Variants in CUL1 observed in about 807,000 individuals in gnomAD.
The protein encoded by CUL1 is cullin 1.
Under a neutral mutation model 118.0 loss-of-function variants are expected in CUL1, and 24 were observed. That is an observed-to-expected ratio of 0.20 (90% CI 0.15 to 0.29). The LOEUF (loss-of-function observed/expected upper bound fraction) is 0.29. Ranked by LOEUF, CUL1 falls within the 10% of genes least tolerant of loss-of-function variation. CUL1 has a pLI of 1.00. For synonymous variants in CUL1, 332 were observed against 340.4 expected (o/e 0.98, Z 0.27); for missense variants, 361 against 933.8 (o/e 0.39, Z 7.99).
At chr7:148,711,232 A>C (rs1314966122) in intron 1 of CUL1, among the ~76,000 whole-genome samples, 1 of 152,234 alleles carries the variant, frequency 6.6e-6, no homozygotes, top group East Asian at 1.9e-4. Context: ...AATTTCGGAA[A>C]ATACTAAAAA....
chr7:148,767,353 G>C (rs772092451), intron 8 of CUL1, among the ~76,000 whole-genome samples: 1 of 150,900 alleles, frequency 6.6e-6, no homozygotes, highest in African/African-American at 2.4e-5. Flanking sequence ...TTAGTCTTAA[G>C]TTAGTGGTTT....
chr7:148,752,009 G>A (rs530143008), intron 2 of CUL1, among the ~76,000 whole-genome samples: 1 of 152,200 alleles, frequency 6.6e-6, no homozygotes, highest in South Asian at 2.1e-4. Context: ...AGCTACTCGG[G>A]AGGCTGAGGC....
At chr7:148,776,135 C>T (rs973878833) in intron 9 of CUL1, among the ~76,000 whole-genome samples, 1 of 150,396 alleles carries the variant, frequency 6.6e-6, no homozygotes, top group Non-Finnish European at 1.5e-5. Flanking sequence ...ACAACTACAC[C>T]TCTACCGAGT....
At chr7:148,790,545 C>A in intron 16 of CUL1, 104 bp downstream of exon 16, 1 of 1,013,162 alleles carries the variant, frequency 9.9e-7, no homozygotes, top group Non-Finnish European at 1.4e-6. Flanking sequence ...TAGAATTCAG[C>A]TTCTGGTGAA....
At position 148,704,702 on chromosome 7, in the gene CUL1, C is replaced by G. The variant is rs551597661; in HGVS notation, c.-162+5673C>G. Among the ~76,000 whole-genome samples, 5 of 152,118 alleles carry G rather than the reference C, an allele frequency of 3.3e-5. No individual in the cohort carries two copies. In the South Asian group the frequency reaches 1.0e-3, roughly 32 times the overall value. ...ACAACATATGTAAGTAATAGCTAAA[C>G]TTTATTTTGGTGTGTGAGTATATGC... On this transcript the variant is annotated intron_variant, in intron 1 of 21. Coordinates refer to ENST00000325222, the MANE Select transcript of CUL1 (RefSeq NM_003592.3).
chr7:148,785,523 ATTT>A (rs1403951748), intron 11 of CUL1, among the ~76,000 whole-genome samples: 2 of 132,920 alleles, frequency 1.5e-5, no homozygotes. Flanking sequence ...CACCCGGCTA[ATTT>A]TTTTTTTTTT....
At chr7:148,725,207 A>ACGCGCG (rs1263565835) in intron 1 of CUL1, among the ~76,000 whole-genome samples, 5 of 107,726 alleles carry the variant, frequency 4.6e-5, no homozygotes, top group African/African-American at 1.3e-4. Context: ...GTACACACAC[A>ACGCGCG]CACACGCGCG....
chr7:148,769,354 A>G (rs1361994027), intron 9 of CUL1, among the ~76,000 whole-genome samples: 3 of 148,370 alleles, frequency 2.0e-5, no homozygotes, highest in Non-Finnish European at 4.5e-5. Flanking sequence ...TTCAGTTTTT[A>G]TGACTTTATT....
intron 9 of CUL1, among the ~76,000 whole-genome samples, chr7:148,773,308 A>G (rs538628218): frequency 6.6e-6 from 1 of 151,962 alleles, no homozygotes; most frequent in Non-Finnish European, 1.5e-5. Flanking sequence ...ACTCTGGCTA[A>G]TGTCTCTACT....
At chr7:148,739,327 A>G (rs1799064069) in intron 2 of CUL1, among the ~76,000 whole-genome samples, 1 of 152,184 alleles carries the variant, frequency 6.6e-6, no homozygotes, top group Admixed American at 6.5e-5. Context: ...TGAGATAAAA[A>G]TACTGTGAAG....
intron 9 of CUL1, among the ~76,000 whole-genome samples, chr7:148,771,622 C>T (rs1800215857): frequency 6.6e-6 from 1 of 152,164 alleles, no homozygotes; most frequent in Admixed American, 6.5e-5. Flanking sequence ...CATTTGTGCT[C>T]AACTGATATG....
chr7:148,732,970 C>T (rs243512), intron 2 of CUL1, among the ~76,000 whole-genome samples: 67,975 of 151,934 alleles, frequency 0.45, 16,201 homozygotes, highest in African/African-American at 0.62. Flanking sequence ...ATGGCTACAG[C>T]TGTCAGGCTT....
Position 148,798,251 on chromosome 7 carries a change from A to G in CUL1, c.2030+232A>G, listed in dbSNP as rs543723430. Among the ~76,000 whole-genome samples, 8 of 152,268 alleles carry G rather than the reference A, an allele frequency of 5.3e-5. No individual in the cohort carries two copies. The South Asian group carries it at 1.7e-3, about 32-fold the overall frequency. ...TATTTTGGCAAATAAGTCTCCTTAA[A>G]TGGCTCACCAAGAAAGTTTGGACCT... On this transcript the variant is annotated intron_variant, in intron 19 of 21. Transcript: ENST00000325222.
rs536703339 is a variant in CUL1 at position 148,719,228 on chromosome 7, G to A, written c.-161-10734G>A. Among the ~76,000 whole-genome samples the A allele has an allele frequency of 2.9e-3, 448 of 152,104 alleles. 2 individuals are homozygous for A. The highest frequency in any genetic ancestry group is 4.5e-3 in the Non-Finnish European group (309 of 67,984). On this transcript the variant is annotated intron_variant, in intron 1 of 21. Transcript: ENST00000325222. Reference sequence around the variant, plus strand: ...CGGGAGGCTGAGGCAGGAGAATGGCGTGAACCCGGGAGGCGGAGCTTGCAG... The same window carrying A: ...CGGGAGGCTGAGGCAGGAGAATGGCATGAACCCGGGAGGCGGAGCTTGCAG...
intron 1 of CUL1, among the ~76,000 whole-genome samples, chr7:148,722,972 T>C (rs1331661913): frequency 6.6e-6 from 1 of 152,254 alleles, no homozygotes; most frequent in Non-Finnish European, 1.5e-5. Context: ...AGGTCGTCTG[T>C]CTTTTCTGTC....
At chr7:148,757,686 C>T (rs969302246) in intron 4 of CUL1, among the ~76,000 whole-genome samples, 3 of 152,296 alleles carry the variant, frequency 2.0e-5, no homozygotes, top group African/African-American at 7.2e-5. Flanking sequence ...TGTTTTCATA[C>T]TGCTGATAAA....
chr7:148,764,771 C>A (rs1213576968), intron 7 of CUL1, among the ~76,000 whole-genome samples: 6 of 152,058 alleles, frequency 3.9e-5, no homozygotes, highest in Admixed American at 1.3e-4. Flanking sequence ...ATCAGAAAAA[C>A]AAAATTACAC....
intron 7 of CUL1, among the ~76,000 whole-genome samples, chr7:148,764,311 G>A (rs183120881): frequency 1.3e-5 from 2 of 152,254 alleles, no homozygotes; most frequent in Admixed American, 1.3e-4. Flanking sequence ...ATTTGACTTG[G>A]AATCATTAGA....
At position 148,754,027 on chromosome 7, in the gene CUL1, A is replaced by G. The variant is rs1283234264; in HGVS notation, c.192A>G (p.Gly64=). The G allele has an allele frequency of 6.2e-7, 1 of 1,613,982 alleles. No individual in the cohort carries two copies. The highest frequency in any genetic ancestry group is 1.1e-5 in the South Asian group (1 of 91,034). Residue 64 remains glycine (G), a synonymous_variant, in exon 3 of 22, where the codon GGA becomes GGG. Transcript: ENST00000325222. ...TTCACCAGTCAAACCAAGCACGAGG[A>G]GCTGGAGTTCCTCCTTCTAAGTCGA... ...TSVHQSNQAR[G]AGVPPSKSKK...
Sources: allele counts gnomAD v4.1 joint callset (sites outside exome capture counted in the v4.1 genomes callset), GRCh38; gene constraint gnomAD v4.1.1; transcripts MANE v1.5; gene names NCBI Gene and HGNC (gene_info 2026-07-23, HGNC 2026-07-21).